FAR2: variants seen among roughly 807,000 people sequenced by gnomAD.
FAR2 encodes the protein fatty acyl-CoA reductase 2, also known as epididymis secretory protein Li 81.
A neutral mutation model predicts 56.0 loss-of-function variants in FAR2; 19 were observed. That is an observed-to-expected ratio of 0.34 (90% confidence interval 0.24 to 0.50). The LOEUF is 0.50. Ranked by LOEUF, FAR2 falls within the 20% of genes least tolerant of loss-of-function variation. The pLI is 0.98. For missense variants in FAR2, 508 were observed against 642.2 expected (o/e 0.79, Z 2.26); for synonymous variants, 219 against 218.8 (o/e 1.00, Z -0.01).
intron 1 of FAR2, among the ~76,000 whole-genome samples, chr12:29,157,219 A>G (rs547415009): frequency 5.3e-5 from 8 of 149,702 alleles, no homozygotes; most frequent in Admixed American, 5.3e-4. Context: ...ATGAAAAAAA[A>G]GCCTTACTGT....
At chr12:29,199,524 C>T (rs1197692414) in intron 1 of FAR2, among the ~76,000 whole-genome samples, 4 of 149,374 alleles carry the variant, frequency 2.7e-5, no homozygotes, top group South Asian at 2.1e-4. Flanking sequence ...GGCGTGAACC[C>T]GGGAGGCGGA....
intron 2 of FAR2, among the ~76,000 whole-genome samples, chr12:29,285,465 C>T (rs1948858159): frequency 6.6e-6 from 1 of 152,108 alleles, no homozygotes; most frequent in South Asian, 2.1e-4. Flanking sequence ...TTCAGTTTTC[C>T]TGTTACTCAA....
At chr12:29,284,831 T>TTTTGTTTGTTTGTTTGTTTG (rs71042977) in intron 2 of FAR2, among the ~76,000 whole-genome samples, 18 of 149,740 alleles carry the variant, frequency 1.2e-4, no homozygotes, top group East Asian at 9.9e-4. Context: ...AGCATTACTG[T>TTTTGTTTGTTTGTTTGTTTG]TTTGTTTGTT....
At chr12:29,206,411 A>G (rs7955386) in intron 1 of FAR2, among the ~76,000 whole-genome samples, 7,943 of 152,310 alleles carry the variant, frequency 0.052, 629 homozygotes, top group African/African-American at 0.17. Context: ...ATGCTGGCAT[A>G]TATTTAACCT....
intron 1 of FAR2, among the ~76,000 whole-genome samples, chr12:29,207,145 A>G (rs1023625894): frequency 5.9e-5 from 9 of 152,160 alleles, no homozygotes; most frequent in Non-Finnish European, 8.8e-5. Flanking sequence ...GTATTTGACA[A>G]TCTTTCTTCT....
chr12:29,175,583 C>T (rs1949930106), intron 1 of FAR2, among the ~76,000 whole-genome samples: 1 of 152,230 alleles, frequency 6.6e-6, no homozygotes, highest in South Asian at 2.1e-4. Context: ...TTTGTCCCTG[C>T]CCACGTCCTG....
At chr12:29,252,623 C>T (rs1322393020) in intron 1 of FAR2, among the ~76,000 whole-genome samples, 1 of 152,174 alleles carries the variant, frequency 6.6e-6, no homozygotes, top group Non-Finnish European at 1.5e-5. Flanking sequence ...ATTTAAGTTA[C>T]AGATATCACG....
chr12:29,268,856 C>T (rs1027722525), intron 1 of FAR2, among the ~76,000 whole-genome samples: 5 of 152,010 alleles, frequency 3.3e-5, no homozygotes, highest in African/African-American at 9.7e-5. Flanking sequence ...CCCCACAAGC[C>T]GCAAAAACCA....
intron 1 of FAR2, among the ~76,000 whole-genome samples, chr12:29,174,394 A>G (rs1949916053): frequency 6.8e-6 from 1 of 148,098 alleles, no homozygotes; most frequent in Non-Finnish European, 1.5e-5. Context: ...AAACTGGAAA[A>G]GCACCAGAGA....
intron 1 of FAR2, among the ~76,000 whole-genome samples, chr12:29,264,660 GGAGA>G (rs113316033): frequency 0.16 from 14,438 of 89,278 alleles, 2,001 homozygotes; most frequent in African/African-American, 0.42. Flanking sequence ...AATAAATAAA[GGAGA>G]GAGAGAGAGA....
At chr12:29,315,950 C>A (rs1231986235) in intron 8 of FAR2, among the ~76,000 whole-genome samples, 1 of 149,984 alleles carries the variant, frequency 6.7e-6, no homozygotes, top group Admixed American at 6.6e-5. Context: ...ATCTCTTACG[C>A]TATCAGAACC....
chr12:29,243,255 T>G (rs1162732004), intron 1 of FAR2, among the ~76,000 whole-genome samples: 1 of 152,140 alleles, frequency 6.6e-6, no homozygotes, highest in Non-Finnish European at 1.5e-5. Flanking sequence ...CTTGTCAGTT[T>G]GGGGCCAGTT....
intron 1 of FAR2, among the ~76,000 whole-genome samples, chr12:29,183,620 T>C (rs1159345894): frequency 2.0e-5 from 3 of 152,206 alleles, no homozygotes; most frequent in Non-Finnish European, 4.4e-5. Context: ...GGAATGCATC[T>C]TTTTCCAATA....
chr12:29,180,111 A>T (rs993758198), intron 1 of FAR2, among the ~76,000 whole-genome samples: 2 of 152,216 alleles, frequency 1.3e-5, no homozygotes, highest in Non-Finnish European at 2.9e-5. Context: ...GCCAAATTCA[A>T]CAAAAACTTC....
intron 1 of FAR2, among the ~76,000 whole-genome samples, chr12:29,237,206 T>A (rs1947956065): frequency 6.6e-6 from 1 of 152,132 alleles, no homozygotes; most frequent in South Asian, 2.1e-4. Context: ...AGATCAGCAG[T>A]TCTTGAAGTG....
chr12:29,196,623 T>C (rs1950146582), intron 1 of FAR2, among the ~76,000 whole-genome samples: 1 of 152,104 alleles, frequency 6.6e-6, no homozygotes, highest in African/African-American at 2.4e-5. Context: ...TCAAGGTGGA[T>C]TAAAGACCTA....
At chr12:29,229,156 AT>A (rs747068855) in intron 1 of FAR2, among the ~76,000 whole-genome samples, 14 of 152,188 alleles carry the variant, frequency 9.2e-5, no homozygotes, top group African/African-American at 3.4e-4. Flanking sequence ...TAATTGATAT[AT>A]TTCTGAGTTA....
At chr12:29,317,920 A>G (rs1358331380) in intron 9 of FAR2, 1 of 152,710 alleles carries the variant, frequency 6.5e-6, no homozygotes, top group Non-Finnish European at 1.5e-5. Flanking sequence ...AACCAGATTT[A>G]CTGCCACCTA....
intron 10 of FAR2, among the ~76,000 whole-genome samples, chr12:29,326,784 A>G (rs1440703515): frequency 2.0e-5 from 3 of 152,116 alleles, no homozygotes; most frequent in Admixed American, 1.3e-4. Flanking sequence ...TGAAAAACCC[A>G]CAGCCAATAT....
Sources: gnomAD v4.1 joint callset for allele counts (sites outside exome capture counted in the v4.1 genomes callset) on GRCh38, gnomAD v4.1.1 for gene constraint, MANE v1.5 for transcripts, NCBI Gene and HGNC (gene_info 2026-07-23, HGNC 2026-07-21) for gene names.